SUGCT: variants seen among roughly 807,000 people sequenced by gnomAD.
SUGCT encodes succinyl-CoA:glutarate CoA-transferase.
SUGCT carries 41 observed loss-of-function variants against 55.0 expected under a neutral mutation model. The observed-to-expected ratio is 0.74, with a 90% CI of 0.58 to 0.97. The LOEUF (loss-of-function observed/expected upper bound fraction) is 0.97, where lower values mean the gene tolerates loss of function less well. Ranked by LOEUF, SUGCT falls within the 50% of genes least tolerant of loss-of-function variation. The pLI is 0.00. For missense variants in SUGCT, 568 were observed against 547.8 expected, an observed-to-expected ratio of 1.04 and a Z score of -0.37; for synonymous variants, 187 against 200.4, an observed-to-expected ratio of 0.93 and a Z score of 0.56.
chr7:40,442,320 A>G (rs1788556413), intron 9 of SUGCT, among the ~76,000 whole-genome samples: 1 of 152,188 alleles, frequency 6.6e-6, no homozygotes, highest in African/African-American at 2.4e-5. Flanking sequence ...GAAATTAGAA[A>G]CAAGATGGAG....
At chr7:40,373,316 A>T (rs913547134) in intron 9 of SUGCT, among the ~76,000 whole-genome samples, 7 of 152,068 alleles carry the variant, frequency 4.6e-5, no homozygotes, top group Non-Finnish European at 4.4e-5. Context: ...GAAAATTTAG[A>T]ATCTATAGAT....
the SUGCT span, among the ~76,000 whole-genome samples, chr7:40,952,318 C>A: frequency 6.6e-6 from 1 of 151,972 alleles, no homozygotes. Flanking sequence ...AGATCTTCCC[C>A]CATCCCTTTA....
rs188457490 is a variant in SUGCT at position 40,496,024 on chromosome 7, G to A, written c.987-260G>A. Among the ~76,000 whole-genome samples the A allele has an allele frequency of 5.3e-5, 8 of 152,252 alleles. No homozygotes were observed. In the East Asian group the frequency reaches 1.5e-3, roughly 29 times the overall value. The stretch of plus-strand genomic sequence containing the variant: ...ATTAAATTCATAAATTGCTCAGAGA[G>A]TTCATAGCAATAGAAATAGGAAGAA... On this transcript the variant is annotated intron_variant, in intron 11 of 13. Transcript: ENST00000335693.
At chr7:40,327,474 A>G (rs955429008) in intron 9 of SUGCT, among the ~76,000 whole-genome samples, 1 of 152,258 alleles carries the variant, frequency 6.6e-6, no homozygotes, top group Non-Finnish European at 1.5e-5. Context: ...ATAAGGTAAC[A>G]TGATGTCCAA....
rs184293770 is a variant in SUGCT at position 40,535,526 on chromosome 7, C to T, written c.1089+39140C>T. On this transcript the variant is annotated intron_variant, in intron 12 of 13. Transcript: ENST00000335693. ...AACACAGAACTGCCATTCAGCCCAG[C>T]AATCCTATTAGTGAGTGTATATCCA... Among the ~76,000 whole-genome samples the T allele has an allele frequency of 5.8e-3, 884 of 152,322 alleles. 28 individuals carry two copies. The highest frequency in any genetic ancestry group is 0.054 in the Admixed American group (823 of 15,308).
intron 11 of SUGCT, among the ~76,000 whole-genome samples, chr7:40,483,604 A>C (rs1284836651): frequency 6.6e-6 from 1 of 152,158 alleles, no homozygotes; most frequent in Non-Finnish European, 1.5e-5. Flanking sequence ...GCTATAGTCC[A>C]GGAGAAGAAA....
intron 11 of SUGCT, among the ~76,000 whole-genome samples, chr7:40,476,470 G>A (rs548909613): frequency 1.4e-4 from 22 of 152,244 alleles, no homozygotes; most frequent in African/African-American, 5.3e-4. Flanking sequence ...TGTTTTTGGA[G>A]TTCTCTTAAT....
chr7:40,468,496 T>G (rs1242939639), intron 11 of SUGCT, among the ~76,000 whole-genome samples: 1 of 152,154 alleles, frequency 6.6e-6, no homozygotes, highest in African/African-American at 2.4e-5. Context: ...TGTTTTAAAA[T>G]TAAACAATAA....
At chr7:40,952,829 G>T in the SUGCT span, among the ~76,000 whole-genome samples, 1 of 152,316 alleles carries the variant, frequency 6.6e-6, no homozygotes, top group Non-Finnish European at 1.5e-5. Context: ...TCCACTGTTA[G>T]TCTGATGGGC....
chr7:40,693,245 A>T lies in SUGCT; in HGVS notation c.1090-56189A>T, dbSNP rs186225396. ...TCAAGTACTGGCTCTACCACTTATGAGCTGTGTGAACTTGGACAAGTTAAT... is the reference window on the plus strand; with the variant it reads ...TCAAGTACTGGCTCTACCACTTATGTGCTGTGTGAACTTGGACAAGTTAAT... On this transcript the variant is annotated intron_variant, in intron 12 of 13. Transcript: ENST00000335693. Among the ~76,000 whole-genome samples the T allele has an allele frequency of 1.4e-3, 217 of 152,250 alleles. 1 individual carries two copies. The highest frequency in any genetic ancestry group is 5.1e-3 in the African/African-American group (211 of 41,546).
the SUGCT span, among the ~76,000 whole-genome samples, chr7:41,012,330 C>G: frequency 6.6e-6 from 1 of 152,144 alleles, no homozygotes; most frequent in Non-Finnish European, 1.5e-5. Flanking sequence ...TGTGAAGAGC[C>G]GTGAACTATA....
At chr7:40,255,682 A>G (rs1030648980) in intron 7 of SUGCT, among the ~76,000 whole-genome samples, 2 of 151,316 alleles carry the variant, frequency 1.3e-5, no homozygotes, top group African/African-American at 2.4e-5. Flanking sequence ...AAAAAAAAAA[A>G]AAAAAGAAAA....
the SUGCT span, among the ~76,000 whole-genome samples, chr7:41,021,962 T>C: frequency 1.4e-5 from 2 of 139,922 alleles, no homozygotes; most frequent in African/African-American, 2.5e-5. Flanking sequence ...TGAAGAATAG[T>C]CTTAGGCAGC....
intron 9 of SUGCT, among the ~76,000 whole-genome samples, chr7:40,355,743 T>C (rs1390935869): frequency 6.6e-6 from 1 of 152,230 alleles, no homozygotes; most frequent in Admixed American, 6.5e-5. Context: ...AGGTGTAAAA[T>C]TAGTGTTCCC....
chr7:40,231,231 G>A (rs1201834350), intron 6 of SUGCT, among the ~76,000 whole-genome samples: 1 of 152,170 alleles, frequency 6.6e-6, no homozygotes. Flanking sequence ...ATAGCCGGTT[G>A]TAACAAGTGT....
At chr7:40,212,658 C>T (rs1455449034) in intron 6 of SUGCT, among the ~76,000 whole-genome samples, 1 of 152,080 alleles carries the variant, frequency 6.6e-6, no homozygotes, top group African/African-American at 2.4e-5. Context: ...CCTCAGCTTC[C>T]CGAGTAGCTG....
chr7:40,743,558 C>A (rs1451974225), intron 12 of SUGCT, among the ~76,000 whole-genome samples: 1 of 152,184 alleles, frequency 6.6e-6, no homozygotes, highest in Non-Finnish European at 1.5e-5. Context: ...AGGCAGTAAG[C>A]TTCTTGAGGG....
the SUGCT span, among the ~76,000 whole-genome samples, chr7:41,034,327 C>T: frequency 6.6e-6 from 1 of 152,146 alleles, no homozygotes; most frequent in African/African-American, 2.4e-5. Context: ...AGAGAATTCT[C>T]ATTTTCCATG....
chr7:40,455,764 C>T (rs1204879645), intron 10 of SUGCT, among the ~76,000 whole-genome samples: 6 of 152,196 alleles, frequency 3.9e-5, no homozygotes, highest in Non-Finnish European at 8.8e-5. Flanking sequence ...ACAAGTGATT[C>T]TCTGTTTCTG....
Sources: allele counts gnomAD v4.1 joint callset (sites outside exome capture counted in the v4.1 genomes callset), GRCh38; gene constraint gnomAD v4.1.1; transcripts MANE v1.5; gene names NCBI Gene and HGNC (gene_info 2026-07-23, HGNC 2026-07-21).